The following FUT8 variants were observed in gnomAD, a reference collection of about 807,000 sequenced individuals.
FUT8 encodes fucosyltransferase 8, also known as alpha-(1,6)-fucosyltransferase.
In FUT8, 29 loss-of-function variants were observed where a neutral mutation model predicts 71.3. The ratio of observed to expected loss-of-function variants is 0.41; its 90% CI spans 0.30 to 0.55. The LOEUF is 0.55. Among genes scored for constraint, FUT8 ranks in the 20% least tolerant of loss-of-function variants. The pLI is 0.34. For missense variants in FUT8, 544 were observed against 702.1 expected, an observed-to-expected ratio of 0.77 and a Z score of 2.55; for synonymous variants, 254 against 239.3, an observed-to-expected ratio of 1.06 and a Z score of -0.57.
intron 1 of FUT8, among the ~76,000 whole-genome samples, chr14:65,434,538 T>C (rs1318298377): frequency 6.6e-6 from 1 of 152,024 alleles, no homozygotes. Context: ...GCAAAAACAA[T>C]GTAAAGCCAT....
intron 3 of FUT8, among the ~76,000 whole-genome samples, chr14:65,586,437 A>G (rs746410757): frequency 2.6e-5 from 4 of 152,208 alleles, no homozygotes; most frequent in Non-Finnish European, 5.9e-5. Context: ...ATATCATTTA[A>G]TTAGGGTATT....
chr14:65,692,867 C>T (rs368681597), intron 7 of FUT8, among the ~76,000 whole-genome samples: 52 of 142,388 alleles, frequency 3.7e-4, no homozygotes, highest in African/African-American at 1.1e-3. Flanking sequence ...ACATCCCAGA[C>T]GGGGTGGCGG....
intron 3 of FUT8, among the ~76,000 whole-genome samples, chr14:65,584,472 G>A (rs1008358673): frequency 6.6e-6 from 1 of 152,118 alleles, no homozygotes; most frequent in African/African-American, 2.4e-5. Context: ...GAGCCTCCGC[G>A]CCCAGTCTGT....
In FUT8 at chr14:65,561,500, G is replaced by C; in HGVS notation, c.-64G>C. ...TTCACCTGTGCACTAACTAGAAACAGAGTTACAATGTTTTCAATTCTTTGA... is the reference window on the plus strand; with the variant it reads ...TTCACCTGTGCACTAACTAGAAACACAGTTACAATGTTTTCAATTCTTTGA... On this transcript the variant is annotated 5_prime_UTR_variant, in exon 3 of 11. Transcript: ENST00000673929. 1 of 1,486,666 alleles carries C rather than the reference G, an allele frequency of 6.7e-7. No individual in the cohort carries two copies. 92.1% of individuals were successfully genotyped at this position (1,486,666 alleles called of 1,614,324 possible).
At chr14:65,671,866 TG>T (rs1892493661) in intron 7 of FUT8, among the ~76,000 whole-genome samples, 1 of 152,216 alleles carries the variant, frequency 6.6e-6, no homozygotes, top group Non-Finnish European at 1.5e-5. Context: ...ATAAGCTCCT[TG>T]ACTTTAATTC....
intron 3 of FUT8, among the ~76,000 whole-genome samples, chr14:65,577,568 A>G (rs545593279): frequency 8.0e-4 from 122 of 152,294 alleles, no homozygotes; most frequent in South Asian, 1.9e-3. Flanking sequence ...GTAGCTGATA[A>G]TCCAAAATGC....
chr14:65,439,978 A>ATATATATATATATG (rs1566748267), intron 1 of FUT8, among the ~76,000 whole-genome samples: 3 of 137,296 alleles, frequency 2.2e-5, no homozygotes, highest in Non-Finnish European at 4.7e-5. Flanking sequence ...ATATATATAT[A>ATATATATATATATG]TATATATATA....
intron 6 of FUT8, among the ~76,000 whole-genome samples, chr14:65,663,101 C>T (rs959094355): frequency 6.6e-6 from 1 of 152,048 alleles, no homozygotes; most frequent in Non-Finnish European, 1.5e-5. Flanking sequence ...ATATCTTGCT[C>T]ATGGATATGA....
intron 2 of FUT8, chr14:65,529,294 C>T (rs939431648): frequency 3.3e-5 from 5 of 152,020 alleles, no homozygotes; most frequent in Admixed American, 1.3e-4. Context: ...TGCAGTGGCA[C>T]AATTTTGGTT....
chr14:65,683,096 C>T (rs1374595851), intron 7 of FUT8, among the ~76,000 whole-genome samples: 1 of 151,760 alleles, frequency 6.6e-6, no homozygotes, highest in Middle Eastern at 3.2e-3. Context: ...TCACTGCAAC[C>T]TCCACCTCCC....
At chr14:65,567,140 T>C (rs1886237956) in intron 3 of FUT8, among the ~76,000 whole-genome samples, 1 of 152,006 alleles carries the variant, frequency 6.6e-6, no homozygotes. Context: ...AAAATTCAAA[T>C]GTGGCTTTTG....
At chr14:65,463,718 A>G (rs2066000870) in intron 2 of FUT8, among the ~76,000 whole-genome samples, 1 of 152,112 alleles carries the variant, frequency 6.6e-6, no homozygotes, top group African/African-American at 2.4e-5. Context: ...CCAAGCTTGG[A>G]TTAAACTCTG....
the FUT8 span, among the ~76,000 whole-genome samples, chr14:65,381,237 A>C: frequency 6.6e-6 from 1 of 152,194 alleles, no homozygotes; most frequent in Non-Finnish European, 1.5e-5. Flanking sequence ...TCTCTTTCTT[A>C]AATGATCTTC....
At chr14:65,612,212 A>T (rs929503123) in intron 3 of FUT8, among the ~76,000 whole-genome samples, 1 of 152,164 alleles carries the variant, frequency 6.6e-6, no homozygotes, top group Non-Finnish European at 1.5e-5. Flanking sequence ...ATAATTTACA[A>T]ATATTCTTAA....
chr14:65,371,795 A>G, the FUT8 span, among the ~76,000 whole-genome samples: 1 of 152,138 alleles, frequency 6.6e-6, no homozygotes, highest in Non-Finnish European at 1.5e-5. Context: ...TTCTCCGAAG[A>G]GCCCTAGTGA....
intron 5 of FUT8, among the ~76,000 whole-genome samples, chr14:65,618,608 C>T (rs751117230): frequency 4.6e-5 from 7 of 152,192 alleles, no homozygotes; most frequent in South Asian, 4.1e-4. Context: ...CTTAAACTGA[C>T]GGACGTACAA....
chr14:65,401,913 A>T, the FUT8 span, among the ~76,000 whole-genome samples: 1 of 151,494 alleles, frequency 6.6e-6, no homozygotes, highest in Admixed American at 6.6e-5. Flanking sequence ...AAAAAAAAAA[A>T]AAAAGGGATT....
At chr14:65,584,111 T>A (rs1274497635) in intron 3 of FUT8, among the ~76,000 whole-genome samples, 1 of 151,696 alleles carries the variant, frequency 6.6e-6, no homozygotes, top group African/African-American at 2.4e-5. Context: ...CCTGACCTTG[T>A]GATCCGCCCG....
chr14:65,710,371 TTTGAA>T (rs1397444798), intron 7 of FUT8, among the ~76,000 whole-genome samples: 1 of 152,188 alleles, frequency 6.6e-6, no homozygotes, highest in Non-Finnish European at 1.5e-5. Flanking sequence ...TGCATGTATA[TTTGAA>T]TAGAATATAT....
Sources: gnomAD v4.1 joint callset for allele counts (sites outside exome capture counted in the v4.1 genomes callset) on GRCh38, gnomAD v4.1.1 for gene constraint, MANE v1.5 for transcripts, NCBI Gene and HGNC (gene_info 2026-07-23, HGNC 2026-07-21) for gene names.